The following RALYL variants were observed in gnomAD, a reference collection of about 807,000 sequenced individuals.
RALYL encodes the protein RNA-binding Raly-like protein.
Under a neutral mutation model 35.1 loss-of-function variants are expected in RALYL, and 29 were observed. That is an observed-to-expected ratio of 0.83 (90% CI 0.61 to 1.13). The LOEUF (loss-of-function observed/expected upper bound fraction) is 1.13. Among genes scored for constraint, RALYL ranks in the 50% most tolerant of loss-of-function variants. The pLI, the probability that RALYL is intolerant of heterozygous loss-of-function variation, is 0.00. For synonymous variants in RALYL, 120 were observed against 127.6 expected (o/e 0.94, Z 0.40); for missense variants, 359 against 360.4 (o/e 1.00, Z 0.03).
chr8:84,754,613 A>T lies in RALYL; in HGVS notation c.257-19966A>T, dbSNP rs1317062223. Among the ~76,000 whole-genome samples the T allele has an allele frequency of 3.9e-5, 6 of 152,308 alleles. No individual in the cohort carries two copies. In the East Asian group the frequency reaches 9.7e-4, roughly 25 times the overall value. On this transcript the variant is annotated intron_variant, in intron 2 of 8. Coordinates refer to ENST00000521268, the MANE Select transcript of RALYL (RefSeq NM_173848.7). ...TTCTAAGGATCCTGCCCTTGGCAGG[A>T]TGTTCACCAGTTGGGTACCATTCTC... is the stretch of plus-strand genomic sequence containing the variant.
intron 2 of RALYL, among the ~76,000 whole-genome samples, chr8:84,717,144 G>GC (rs894134300): frequency 2.0e-5 from 3 of 152,100 alleles, no homozygotes; most frequent in Non-Finnish European, 4.4e-5. Flanking sequence ...CCGAGATCAC[G>GC]CCATTGCACT....
intron 2 of RALYL, among the ~76,000 whole-genome samples, chr8:84,554,806 G>A (rs1007497497): frequency 4.6e-5 from 7 of 152,112 alleles, no homozygotes; most frequent in African/African-American, 1.7e-4. Flanking sequence ...AAAATAAAAT[G>A]TCTAAAATAT....
At chr8:84,568,145 C>T (rs2061921268) in intron 2 of RALYL, among the ~76,000 whole-genome samples, 1 of 149,168 alleles carries the variant, frequency 6.7e-6, no homozygotes, top group Non-Finnish European at 1.5e-5. Context: ...GGGTGCTGCA[C>T]CCATTAACTC....
At chr8:84,569,352 G>T (rs1807344996) in intron 2 of RALYL, among the ~76,000 whole-genome samples, 1 of 151,904 alleles carries the variant, frequency 6.6e-6, no homozygotes. Context: ...AAGATCAGGT[G>T]GTTGTAGATA....
intron 2 of RALYL, among the ~76,000 whole-genome samples, chr8:84,615,238 C>A (rs764893375): frequency 6.6e-6 from 1 of 151,376 alleles, no homozygotes; most frequent in African/African-American, 2.4e-5. Flanking sequence ...TTTAGCTAGT[C>A]CCAGAGGACT....
chr8:84,267,818 T>A (rs970378987), intron 1 of RALYL, among the ~76,000 whole-genome samples: 4 of 152,146 alleles, frequency 2.6e-5, no homozygotes, highest in African/African-American at 9.7e-5. Flanking sequence ...TTGAGAGGTG[T>A]TTTTTTGTTG....
intron 6 of RALYL, 139 bp from the exon 7 acceptor site, chr8:84,873,145 T>G (rs1328711976): frequency 4.0e-6 from 2 of 497,252 alleles, no homozygotes; most frequent in African/African-American, 3.9e-5. Flanking sequence ...AGAAGTAATG[T>G]GAAGTTGATA....
chr8:84,221,554 T>C (rs1404067677), intron 1 of RALYL, among the ~76,000 whole-genome samples: 1 of 152,014 alleles, frequency 6.6e-6, no homozygotes, highest in Non-Finnish European at 1.5e-5. Context: ...AATCTGGGGT[T>C]TGTCAACATA....
intron 1 of RALYL, among the ~76,000 whole-genome samples, chr8:84,527,332 C>A (rs2058975174): frequency 6.6e-6 from 1 of 152,106 alleles, no homozygotes; most frequent in African/African-American, 2.4e-5. Flanking sequence ...TACAGCTGTA[C>A]CCTCGAATTA....
At position 84,267,898 on chromosome 8, in the gene RALYL, A is replaced by G. The variant is rs796396563; in HGVS notation, c.-24+83474A>G. Among the ~76,000 whole-genome samples the G allele has an allele frequency of 5.3e-5, 8 of 152,312 alleles. 1 individual carries two copies. The highest frequency in any genetic ancestry group is 1.9e-4 in the African/African-American group (8 of 41,576). On this transcript the variant is annotated intron_variant, in intron 1 of 8. Transcript: ENST00000521268. ...TTGAAATCAAAGCAGAGAGAATTCC[A>G]AGAACTTTGACTATGCTAGATTCAG...
intron 4 of RALYL, among the ~76,000 whole-genome samples, chr8:84,806,387 C>T (rs982622530): frequency 1.3e-5 from 2 of 152,162 alleles, no homozygotes. Flanking sequence ...GAAATAGCTT[C>T]TCTTCACGCC....
chr8:84,807,784 T>C (rs1015177287), intron 4 of RALYL, among the ~76,000 whole-genome samples: 1 of 152,246 alleles, frequency 6.6e-6, no homozygotes, highest in Non-Finnish European at 1.5e-5. Context: ...AAGCATTTTT[T>C]CATATGTTTC....
intron 8 of RALYL, among the ~76,000 whole-genome samples, chr8:84,903,829 G>A (rs1258244477): frequency 1.3e-5 from 2 of 152,064 alleles, no homozygotes; most frequent in Non-Finnish European, 2.9e-5. Context: ...AAAAGCTATT[G>A]GAAAAATCAT....
intron 4 of RALYL, among the ~76,000 whole-genome samples, chr8:84,841,824 C>T (rs934041535): frequency 6.6e-6 from 1 of 152,180 alleles, no homozygotes; most frequent in Admixed American, 6.6e-5. Context: ...TCACTCAAAA[C>T]CACTCAACTA....
intron 1 of RALYL, among the ~76,000 whole-genome samples, chr8:84,210,737 C>T (rs1360433550): frequency 6.6e-6 from 1 of 151,788 alleles, no homozygotes; most frequent in African/African-American, 2.4e-5. Flanking sequence ...TTATTTTCAC[C>T]AACTTAATTT....
chr8:84,498,903 G>C (rs967603083), intron 1 of RALYL, among the ~76,000 whole-genome samples: 2 of 151,908 alleles, frequency 1.3e-5, no homozygotes, highest in African/African-American at 4.8e-5. Flanking sequence ...AATATTCATA[G>C]TTTTTCTAAC....
chr8:84,683,800 C>T (rs954082624), intron 2 of RALYL, among the ~76,000 whole-genome samples: 24 of 152,168 alleles, frequency 1.6e-4, no homozygotes, highest in African/African-American at 4.1e-4. Context: ...GATTCTCCTG[C>T]CACATCCTCC....
chr8:84,425,899 A>G (rs1363823770), intron 1 of RALYL, among the ~76,000 whole-genome samples: 3 of 151,836 alleles, frequency 2.0e-5, no homozygotes, highest in African/African-American at 7.3e-5. Context: ...TGCTACCAGT[A>G]CAGCATTTTT....
intron 3 of RALYL, among the ~76,000 whole-genome samples, chr8:84,795,424 G>T (rs939107897): frequency 6.6e-6 from 1 of 152,144 alleles, no homozygotes; most frequent in Non-Finnish European, 1.5e-5. Flanking sequence ...ACATGATAAT[G>T]ATGTCAACTT....
Sources: gnomAD v4.1 joint callset for allele counts (sites outside exome capture counted in the v4.1 genomes callset) on GRCh38, gnomAD v4.1.1 for gene constraint, MANE v1.5 for transcripts, NCBI Gene and HGNC (gene_info 2026-07-23, HGNC 2026-07-21) for gene names.